Variants in ABCG1 observed in about 807,000 individuals in gnomAD.
The protein encoded by ABCG1 is ATP-binding cassette sub-family G member 1.
A neutral mutation model predicts 69.2 loss-of-function variants in ABCG1; 29 were observed. That is an observed-to-expected ratio of 0.42 (90% CI 0.31 to 0.57). The LOEUF (loss-of-function observed/expected upper bound fraction) is 0.57. ABCG1 is among the 20% of genes least tolerant of loss of function. The probability of loss-of-function intolerance (pLI) is 0.15; values close to 1 mark genes in which losing one functional copy is unlikely to be tolerated. For missense variants in ABCG1, 718 were observed against 898.1 expected, an observed-to-expected ratio of 0.80 and a Z score of 2.56; for synonymous variants, 370 against 374.8, an observed-to-expected ratio of 0.99 and a Z score of 0.15.
At position 42,293,358 on chromosome 21, in the gene ABCG1, TAC is replaced by T. The variant is rs1213480719; in HGVS notation, c.1654-1175_1654-1174del. Among the ~76,000 whole-genome samples the T allele has an allele frequency of 2.0e-4, 15 of 75,948 alleles. No homozygotes were observed. In the Admixed American group the frequency reaches 2.2e-3, roughly 11 times the overall value. 49.8% of individuals were successfully genotyped at this position (75,948 alleles called of 152,430 possible). On this transcript the variant is annotated intron_variant, in intron 13 of 14. Transcript: ENST00000398449. ...ACACTACACACTACCCACCACACAC[TAC>T]ACACACACCACACTACACACTACAC...
rs1188388574 is a variant in ABCG1 at position 42,291,487 on chromosome 21, C to G, written c.1495-11C>G. 1 of 1,603,016 alleles carries G rather than the reference C, an allele frequency of 6.2e-7. No homozygotes were observed. The highest frequency in any genetic ancestry group is 2.2e-5 in the East Asian group (1 of 44,546). On this transcript the variant is annotated splice_polypyrimidine_tract_variant and intron_variant, in intron 12 of 14. Coordinates refer to ENST00000398449, the MANE Select transcript of ABCG1 (RefSeq NM_016818.3). The surrounding 1 kb of genome is among the most constrained non-coding windows in gnomAD (Gnocchi z 6.4). ...CGGCTGAGCCCGCGGCTGACGGGTC[C>G]TTGTTTCCAGATCATGTTCCCAGTG...
intron 2 of ABCG1, among the ~76,000 whole-genome samples, chr21:42,262,695 T>A (rs1023280274): frequency 2.0e-5 from 3 of 152,178 alleles, no homozygotes; most frequent in Non-Finnish European, 4.4e-5. Flanking sequence ...TGGCCCCGGG[T>A]GCAAGAGCCG....
In ABCG1 at chr21:42,219,421, G is replaced by C; in HGVS notation, c.42+117G>C. The C allele has an allele frequency of 7.1e-7, 1 of 1,403,552 alleles. No homozygotes were observed. The allele number at this position is 1,403,552 out of a possible 1,614,324, so 86.9% of individuals were successfully genotyped here. A position where few individuals can be genotyped will look rare whatever the true frequency, so the allele number is the denominator to read the frequency against. ...CCTCCCAGGAGCGCGTCCTCTGGGC[G>C]CTGACCCAGGGCACCCTAGAGTGGC... is the stretch of plus-strand genomic sequence containing the variant. On this transcript the variant is annotated intron_variant, in intron 1 of 14. Transcript: ENST00000398449. This position sits in a 1 kb window ranked among gnomAD's most constrained non-coding sequence, Gnocchi z 5.3.
chr21:42,279,234 G>A (rs890407102), intron 5 of ABCG1, among the ~76,000 whole-genome samples: 2 of 152,140 alleles, frequency 1.3e-5, no homozygotes, highest in African/African-American at 4.8e-5. Flanking sequence ...TGCTCGGCGT[G>A]GAGGAGGAGC....
At chr21:42,253,563 G>T (rs1029594360) in intron 2 of ABCG1, among the ~76,000 whole-genome samples, 3 of 152,158 alleles carry the variant, frequency 2.0e-5, no homozygotes, top group African/African-American at 7.2e-5. Context: ...GCCCCTCCTA[G>T]AGAGCGAGGG....
At chr21:42,211,160 G>A (rs146978161), upstream of ABCG1, among the ~76,000 whole-genome samples, 4,271 of 151,990 alleles carry the variant, frequency 0.028, 79 homozygotes, top group Non-Finnish European at 0.041. Context: ...GGGTTTCACC[G>A]CGTTGGCCAG....
At chr21:42,239,264 A>G (rs2068017882) in intron 2 of ABCG1, among the ~76,000 whole-genome samples, 2 of 152,236 alleles carry the variant, frequency 1.3e-5, no homozygotes, top group African/African-American at 4.8e-5. Context: ...TAATAAAAAT[A>G]TCCATCTTAT....
At chr21:42,240,862 C>T (rs991311551) in intron 2 of ABCG1, among the ~76,000 whole-genome samples, 1 of 152,262 alleles carries the variant, frequency 6.6e-6, no homozygotes, top group African/African-American at 2.4e-5. Context: ...CAGATTAAGC[C>T]CTACTGTCCA....
intron 5 of ABCG1, among the ~76,000 whole-genome samples, chr21:42,279,488 C>A (rs1258978091): frequency 6.6e-6 from 1 of 152,218 alleles, no homozygotes; most frequent in South Asian, 2.1e-4. Context: ...TGGCCTTGGG[C>A]CACTGCCTGC....
chr21:42,202,111 G>A (rs2067511313), intron 2 of ABCG1, among the ~76,000 whole-genome samples: 2 of 152,148 alleles, frequency 1.3e-5, no homozygotes, highest in African/African-American at 4.8e-5. Flanking sequence ...TTTACCCACG[G>A]ATGGATCCCC....
chr21:42,234,735 G>A (rs548984790), intron 2 of ABCG1, among the ~76,000 whole-genome samples: 1 of 152,336 alleles, frequency 6.6e-6, no homozygotes, highest in South Asian at 2.1e-4. Flanking sequence ...CAGGCCTGTG[G>A]ACGCAGGGTG....
At position 42,219,775 on chromosome 21, in the gene ABCG1, G is replaced by T. The variant is rs2067691521; in HGVS notation, c.42+471G>T. On this transcript the variant is annotated intron_variant, in intron 1 of 14. Coordinates refer to ENST00000398449, the MANE Select transcript of ABCG1 (RefSeq NM_016818.3). This position sits in a 1 kb window ranked among gnomAD's most constrained non-coding sequence, Gnocchi z 5.3. ...CTCGCGCCATCCCCAGGAACGCCAG[G>T]CAAGGTCTGGGGGAACAAAAGAGGA... 4 of 1,398,184 alleles carry T rather than the reference G, an allele frequency of 2.9e-6. No homozygotes were observed. The East Asian group carries it at 1.1e-4, about 38-fold the overall frequency. 86.6% of individuals were successfully genotyped at this position (1,398,184 alleles called of 1,614,324 possible). A position where few individuals can be genotyped will look rare whatever the true frequency, so the allele number is the denominator to read the frequency against.
At chr21:42,283,677 A>C (rs8130349) in intron 6 of ABCG1, among the ~76,000 whole-genome samples, 3,346 of 109,894 alleles carry the variant, frequency 0.03, 89 homozygotes, top group African/African-American at 0.054. Context: ...TGAGTGGGGA[A>C]CCCCCACCTC....
chr21:42,275,061 C>T (rs1281585618), intron 4 of ABCG1, among the ~76,000 whole-genome samples: 3 of 152,118 alleles, frequency 2.0e-5, no homozygotes, highest in Non-Finnish European at 4.4e-5. Flanking sequence ...GGGGGTTCGC[C>T]TTGGTTTTCC....
At chr21:42,256,498 TC>T (rs1386164180) in intron 2 of ABCG1, 6 of 1,550,032 alleles carry the variant, frequency 3.9e-6, no homozygotes, top group Non-Finnish European at 5.2e-6. Flanking sequence ...TGGCTGTGGC[TC>T]CAGGTCACCT....
rs547556687 is a variant in ABCG1 at position 42,284,669 on chromosome 21, G to A, written c.844G>A (p.Glu282Lys). The stretch of plus-strand genomic sequence containing the variant: ...CCACCAGCCCAGCGCCAAACTCTTC[G>A]AGCTGTTCGACCAGGTACGCGGGCC... ...TIHQPSAKLF[E>K]LFDQLYVLSQ... The change falls in exon 7 of 15, where the codon GAG becomes AAG. Residue 282 changes from glutamate to lysine, a missense_variant. Around this residue, in one of 2 missense-constraint regions of ABCG1, gnomAD observed 514 missense variants for 574.3 expected, o/e 0.90. Coordinates refer to ENST00000398449, the MANE Select transcript of ABCG1 (RefSeq NM_016818.3). The A allele has an allele frequency of 5.6e-6, 9 of 1,613,440 alleles. No individual in the cohort carries two copies. The highest frequency in any genetic ancestry group is 3.3e-5 in the Admixed American group (2 of 60,016).
At chr21:42,240,431 CT>C (rs1055148736) in intron 2 of ABCG1, among the ~76,000 whole-genome samples, 8 of 152,338 alleles carry the variant, frequency 5.3e-5, no homozygotes, top group African/African-American at 1.9e-4. Context: ...TGCCTTCACA[CT>C]TATGGCTTAA....
At chr21:42,261,052 A>C (rs963935748) in intron 2 of ABCG1, among the ~76,000 whole-genome samples, 2 of 151,994 alleles carry the variant, frequency 1.3e-5, no homozygotes, top group African/African-American at 4.8e-5. Flanking sequence ...CGATCTCCTG[A>C]CCTTGTGATC....
At chr21:42,259,737 G>A (rs2068373166) in intron 2 of ABCG1, among the ~76,000 whole-genome samples, 1 of 152,258 alleles carries the variant, frequency 6.6e-6, no homozygotes, top group Admixed American at 6.5e-5. Context: ...TTGAGGGAAA[G>A]CAGCTCACAG....
Sources: allele counts gnomAD v4.1 joint callset (sites outside exome capture counted in the v4.1 genomes callset), GRCh38; gene constraint gnomAD v4.1.1; regional missense constraint gnomAD v4.1.1; non-coding constraint Gnocchi (gnomAD v3.1); transcripts MANE v1.5; gene names NCBI Gene and HGNC (gene_info 2026-07-23, HGNC 2026-07-21).